The following TENM3 variants were observed in gnomAD, a reference collection of about 807,000 sequenced individuals.
TENM3 encodes teneurin-3.
A neutral mutation model predicts 255.1 loss-of-function variants in TENM3; 63 were observed. The ratio of observed to expected loss-of-function variants is 0.25; its 90% CI spans 0.20 to 0.30. The LOEUF (loss-of-function observed/expected upper bound fraction) is 0.30. TENM3 is among the 10% of genes least tolerant of loss of function. TENM3 has a pLI of 1.00. For synonymous variants in TENM3, 1,306 were observed against 1,322.3 expected, an observed-to-expected ratio of 0.99 and a Z score of 0.27; for missense variants, 2,929 against 3,461.1, an observed-to-expected ratio of 0.85 and a Z score of 3.86.
intron 1 of TENM3, chr4:182,169,516 A>C: frequency 3.5e-6 from 1 of 282,514 alleles, no homozygotes; most frequent in Non-Finnish European, 7.0e-6. Flanking sequence ...TTAGAGGAGA[A>C]TTTATCTTAT....
the TENM3 span, among the ~76,000 whole-genome samples, chr4:181,529,995 C>T: frequency 2.0e-5 from 3 of 152,098 alleles, no homozygotes; most frequent in Non-Finnish European, 4.4e-5. Context: ...CATACAGGAG[C>T]GTTTGGAAAT....
At chr4:182,628,617 T>C (rs779333241) in intron 4 of TENM3, 34 bp from the exon 5 acceptor site, 1 of 1,349,672 alleles carries the variant, frequency 7.4e-7, no homozygotes, top group South Asian at 1.3e-5. Flanking sequence ...CGTAACATAT[T>C]TGTATCTTAT....
chr4:182,582,484 G>T (rs1399081662), intron 3 of TENM3, among the ~76,000 whole-genome samples: 2 of 152,098 alleles, frequency 1.3e-5, no homozygotes, highest in Non-Finnish European at 2.9e-5. Context: ...GCTTTCATGA[G>T]TATAAATTTC....
At chr4:182,264,944 C>T (rs1759143220) in intron 1 of TENM3, among the ~76,000 whole-genome samples, 1 of 151,146 alleles carries the variant, frequency 6.6e-6, no homozygotes, top group Non-Finnish European at 1.5e-5. Flanking sequence ...TTTTCTTAGT[C>T]GACTGAATTA....
intron 1 of TENM3, among the ~76,000 whole-genome samples, chr4:182,164,376 A>G (rs766520177): frequency 2.0e-4 from 30 of 152,162 alleles, no homozygotes; most frequent in Non-Finnish European, 3.7e-4. Context: ...CACATTGTCT[A>G]GTTAATATTG....
chr4:181,930,087 G>A, the TENM3 span, among the ~76,000 whole-genome samples: 343 of 152,114 alleles, frequency 2.3e-3, 2 homozygotes, highest in African/African-American at 7.1e-3. Context: ...ATCTAAAATC[G>A]ACACCCTAAC....
chr4:181,790,448 T>C, the TENM3 span, among the ~76,000 whole-genome samples: 398 of 152,328 alleles, frequency 2.6e-3, 1 homozygote, highest in African/African-American at 9.4e-3. Flanking sequence ...TTAATTGCAC[T>C]GTGTATATTA....
rs77778672 is a variant in TENM3, at chr4:182,574,197, C to T, written c.512-26727C>T. 8.7e-4 allele frequency among the ~76,000 whole-genome samples: 132 copies of T among 152,112 alleles called. 2 individuals are homozygous for T. In the East Asian group the frequency reaches 0.02, roughly 23 times the overall value. ...TATGTTATTTGTATTCTTTCATATG[C>T]CTCTTTTCAATCTTTTAAAATGACT... On this transcript the variant is annotated intron_variant, in intron 3 of 27. Coordinates refer to ENST00000511685, the MANE Select transcript of TENM3 (RefSeq NM_001080477.4).
chr4:182,424,741 C>T (rs1771081638), intron 3 of TENM3, among the ~76,000 whole-genome samples: 1 of 152,080 alleles, frequency 6.6e-6, no homozygotes, highest in Non-Finnish European at 1.5e-5. Context: ...ATCTTTGTCC[C>T]TCTTAGTTAG....
chr4:182,514,701 A>G (rs991995856), intron 3 of TENM3, among the ~76,000 whole-genome samples: 7 of 152,142 alleles, frequency 4.6e-5, no homozygotes, highest in African/African-American at 1.7e-4. Context: ...TTCATGAACT[A>G]CTAAAAGGGC....
At chr4:181,448,364 G>A in the TENM3 span, among the ~76,000 whole-genome samples, 1 of 150,016 alleles carries the variant, frequency 6.7e-6, no homozygotes, top group African/African-American at 2.4e-5. Flanking sequence ...GTAGAGACGG[G>A]GTTTCACCGT....
chr4:182,068,447 C>T, the TENM3 span, among the ~76,000 whole-genome samples: 1 of 150,184 alleles, frequency 6.7e-6, no homozygotes, highest in South Asian at 2.1e-4. Context: ...AAAACCAAAA[C>T]CCTACATTGC....
rs146199060 is a variant in TENM3, at chr4:182,526,009, G to A, written c.512-74915G>A. 8.0e-3 allele frequency among the ~76,000 whole-genome samples: 1,217 copies of A among 151,968 alleles called. 4 individuals are homozygous for A. The highest frequency in any genetic ancestry group is 0.012 in the Non-Finnish European group (807 of 67,978). On this transcript the variant is annotated intron_variant, in intron 3 of 27. Transcript: ENST00000511685. ...GTTTTTGTTTTTTTGAGACAGGGTCGTGCTCTGTCGCCCAGGCTGGAGTGC... is the reference window on the plus strand; with the variant it reads ...GTTTTTGTTTTTTTGAGACAGGGTCATGCTCTGTCGCCCAGGCTGGAGTGC...
At chr4:182,550,879 G>A (rs1741930224) in intron 3 of TENM3, among the ~76,000 whole-genome samples, 3 of 152,194 alleles carry the variant, frequency 2.0e-5, no homozygotes, top group Admixed American at 2.0e-4. Context: ...GGGCTAAGCA[G>A]TGCTTTAGGG....
intron 1 of TENM3, among the ~76,000 whole-genome samples, chr4:182,195,609 C>T (rs1191773800): frequency 6.6e-6 from 1 of 151,938 alleles, no homozygotes; most frequent in Admixed American, 6.6e-5. Context: ...CACTGCACTC[C>T]AGTGTGGGTG....
intron 1 of TENM3, among the ~76,000 whole-genome samples, chr4:182,253,491 A>G (rs974960686): frequency 6.6e-6 from 1 of 152,302 alleles, no homozygotes; most frequent in South Asian, 2.1e-4. Flanking sequence ...AAATAACAGA[A>G]GATTTATACA....
At chr4:181,671,757 T>A in the TENM3 span, among the ~76,000 whole-genome samples, 6 of 151,974 alleles carry the variant, frequency 3.9e-5, no homozygotes, top group Middle Eastern at 3.4e-3. Context: ...TTTTTTTTTT[T>A]ATCTTTGCAT....
chr4:181,652,590 A>G, the TENM3 span, among the ~76,000 whole-genome samples: 5 of 152,278 alleles, frequency 3.3e-5, no homozygotes, highest in Non-Finnish European at 5.9e-5. Flanking sequence ...CCTTTCCAGC[A>G]TTGTCAGGAA....
At chr4:182,667,448 C>CA (rs1754796715) in intron 6 of TENM3, among the ~76,000 whole-genome samples, 1 of 152,156 alleles carries the variant, frequency 6.6e-6, no homozygotes, top group Non-Finnish European at 1.5e-5. Context: ...CTCAGTCTCC[C>CA]AAAGTGCTGG....
Sources: allele counts gnomAD v4.1 joint callset (sites outside exome capture counted in the v4.1 genomes callset), GRCh38; gene constraint gnomAD v4.1.1; transcripts MANE v1.5; gene names NCBI Gene and HGNC (gene_info 2026-07-23, HGNC 2026-07-21).